ZNF704: variants seen among roughly 807,000 people sequenced by gnomAD.
ZNF704 encodes the protein glucocorticoid induced gene 1.
In ZNF704, 10 loss-of-function variants were observed where a neutral mutation model predicts 44.7. The ratio of observed to expected loss-of-function variants is 0.22; its 90% CI spans 0.14 to 0.38. ZNF704 has a LOEUF of 0.38. Ranked by LOEUF, ZNF704 falls within the 10% of genes least tolerant of loss-of-function variation. The pLI is 1.00. For synonymous variants in ZNF704, 211 were observed against 207.6 expected, an observed-to-expected ratio of 1.02 and a Z score of -0.14; for missense variants, 390 against 545.5, an observed-to-expected ratio of 0.71 and a Z score of 2.84.
rs1291015297 is a variant in ZNF704, at chr8:80,641,132, A to C, written c.*234T>G. 1 of 323,864 alleles carries C rather than the reference A, an allele frequency of 3.1e-6. No homozygotes were observed. The highest frequency in any genetic ancestry group is 5.6e-6 in the Non-Finnish European group (1 of 178,692). 20.1% of individuals were successfully genotyped at this position (323,864 alleles called of 1,614,324 possible). On this transcript the variant is annotated 3_prime_UTR_variant, in exon 9 of 9. Transcript: ENST00000327835. ...TGACTTTTCTTTTGAAGGAAAAAAA[A>C]CTAGTTATAGCTGCTCCAAGCTGGG...
chr8:80,857,077 T>C (rs1469690056), intron 1 of ZNF704, among the ~76,000 whole-genome samples: 4 of 152,218 alleles, frequency 2.6e-5, no homozygotes, highest in Non-Finnish European at 5.9e-5. Flanking sequence ...ATTAATTTTA[T>C]CCCTGTTTAG....
intron 2 of ZNF704, among the ~76,000 whole-genome samples, chr8:80,708,962 T>G (rs1288858407): frequency 3.9e-5 from 6 of 152,168 alleles, no homozygotes; most frequent in Non-Finnish European, 7.3e-5. Flanking sequence ...GAACTGGGAT[T>G]TACTTGGAAT....
At chr8:80,649,508 G>C (rs1346715099) in intron 7 of ZNF704, among the ~76,000 whole-genome samples, 2 of 152,222 alleles carry the variant, frequency 1.3e-5, no homozygotes, top group Admixed American at 6.5e-5. Flanking sequence ...CGGCACACCA[G>C]GAGATTATAT....
chr8:80,747,534 T>C (rs912646171), intron 2 of ZNF704, among the ~76,000 whole-genome samples: 4 of 152,184 alleles, frequency 2.6e-5, no homozygotes, highest in African/African-American at 9.6e-5. Flanking sequence ...TACTGTGGCA[T>C]TAAAATAAAC....
intron 1 of ZNF704, among the ~76,000 whole-genome samples, chr8:80,863,459 C>T (rs1042897449): frequency 3.3e-5 from 5 of 152,090 alleles, no homozygotes; most frequent in East Asian, 1.9e-4. Flanking sequence ...AAAACTCTGC[C>T]GGTCTCCAAA....
At chr8:80,784,419 A>T (rs968866797) in intron 2 of ZNF704, among the ~76,000 whole-genome samples, 1 of 152,160 alleles carries the variant, frequency 6.6e-6, no homozygotes, top group African/African-American at 2.4e-5. Flanking sequence ...CCACTTCCTC[A>T]TCAGCATTTG....
At chr8:80,847,653 T>C (rs1808789428) in intron 1 of ZNF704, among the ~76,000 whole-genome samples, 2 of 152,202 alleles carry the variant, frequency 1.3e-5, no homozygotes, top group African/African-American at 2.4e-5. Context: ...GACCTAGAAA[T>C]AGACCCACAC....
chr8:80,729,890 C>T (rs1193577310), intron 2 of ZNF704, among the ~76,000 whole-genome samples: 1 of 152,164 alleles, frequency 6.6e-6, no homozygotes, highest in Admixed American at 6.5e-5. Flanking sequence ...GCCGGAACCC[C>T]CCTGAGCCAG....
At chr8:80,765,106 C>T (rs1287251258) in intron 2 of ZNF704, among the ~76,000 whole-genome samples, 2 of 152,168 alleles carry the variant, frequency 1.3e-5, no homozygotes, top group African/African-American at 4.8e-5. Context: ...TGGTATAACT[C>T]TCAGTTTTAA....
intron 5 of ZNF704, among the ~76,000 whole-genome samples, chr8:80,666,170 T>C (rs1444766281): frequency 7.0e-6 from 1 of 141,860 alleles, no homozygotes; most frequent in Non-Finnish European, 1.5e-5. Flanking sequence ...TGTGTCCATG[T>C]GATCTCATTG....
At chr8:80,758,397 A>G (rs1419139553) in intron 2 of ZNF704, among the ~76,000 whole-genome samples, 1 of 152,164 alleles carries the variant, frequency 6.6e-6, no homozygotes, top group Non-Finnish European at 1.5e-5. Context: ...CTTATTAAGC[A>G]TTTTGCACAG....
chr8:80,777,801 C>T (rs1807440222), intron 2 of ZNF704, among the ~76,000 whole-genome samples: 2 of 151,820 alleles, frequency 1.3e-5, no homozygotes, highest in African/African-American at 4.8e-5. Flanking sequence ...ATTGCTTGAA[C>T]CCAGGAGGCA....
chr8:80,659,731 T>G, intron 6 of ZNF704, 42 bp from the exon 7 acceptor site: 33 of 1,478,620 alleles, frequency 2.2e-5, no homozygotes, highest in African/African-American at 4.1e-5. Flanking sequence ...GAAGGAATAT[T>G]TTCCTTCGGA....
chr8:80,859,432 G>C (rs1809021869), intron 1 of ZNF704, among the ~76,000 whole-genome samples: 1 of 152,152 alleles, frequency 6.6e-6, no homozygotes, highest in Admixed American at 6.5e-5. Context: ...TAGTGGGAAA[G>C]CAAGTGTTGG....
At chr8:80,804,205 AG>A (rs1807948574) in intron 2 of ZNF704, among the ~76,000 whole-genome samples, 1 of 152,210 alleles carries the variant, frequency 6.6e-6, no homozygotes, top group African/African-American at 2.4e-5. Flanking sequence ...GCAGAGAAAA[AG>A]GAATGCTTTT....
At chr8:80,726,451 A>G (rs1339308583) in intron 2 of ZNF704, among the ~76,000 whole-genome samples, 1 of 152,198 alleles carries the variant, frequency 6.6e-6, no homozygotes, top group African/African-American at 2.4e-5. Flanking sequence ...ATTAATAATG[A>G]AGAACTATTT....
intron 2 of ZNF704, chr8:80,749,664 T>C (rs1806907951): frequency 6.5e-6 from 1 of 153,312 alleles, no homozygotes; most frequent in Non-Finnish European, 1.5e-5. Flanking sequence ...AGTTGTCCTA[T>C]GTGTGCCACT....
At chr8:80,795,068 G>T (rs769069983) in intron 2 of ZNF704, among the ~76,000 whole-genome samples, 3 of 152,140 alleles carry the variant, frequency 2.0e-5, no homozygotes, top group Non-Finnish European at 2.9e-5. Context: ...CCTGGATGCA[G>T]AATCCAGCTG....
In ZNF704 at chr8:80,829,260, C is replaced by T. The variant is rs184921803; in HGVS notation, c.-21-7645G>A. On this transcript the variant is annotated intron_variant, in intron 1 of 8. Transcript: ENST00000327835. ...ATGTAAGGACAAGTATGTTAAACAT[C>T]CATCACTAGTCAATGCACTGCGTAA... Among the ~76,000 whole-genome samples, 3 of 152,202 alleles carry T rather than the reference C, an allele frequency of 2.0e-5. No individual in the cohort carries two copies. In the East Asian group the frequency reaches 5.8e-4, roughly 29 times the overall value.
Sources: gnomAD v4.1 joint callset for allele counts (sites outside exome capture counted in the v4.1 genomes callset) on GRCh38, gnomAD v4.1.1 for gene constraint, MANE v1.5 for transcripts, NCBI Gene and HGNC (gene_info 2026-07-23, HGNC 2026-07-21) for gene names.